ATP8B3: variants seen among roughly 807,000 people sequenced by gnomAD.
ATP8B3 encodes phospholipid-transporting ATPase IK.
ATP8B3 carries 141 observed loss-of-function variants against 140.9 expected under a neutral mutation model. The observed-to-expected ratio is 1.00, with a 90% CI of 0.87 to 1.15. The LOEUF (loss-of-function observed/expected upper bound fraction) is 1.15, where lower values mean the gene tolerates loss of function less well. Ranked by LOEUF, ATP8B3 falls within the 50% of genes most tolerant of loss-of-function variation. ATP8B3 has a pLI of 0.00. For missense variants in ATP8B3, 1,874 were observed against 1,740.6 expected, an observed-to-expected ratio of 1.08 and a Z score of -1.36; for synonymous variants, 765 against 714.6, an observed-to-expected ratio of 1.07 and a Z score of -1.13.
chr19:1,809,310 G>GCCCA (rs1568663385), intron 4 of ATP8B3, among the ~76,000 whole-genome samples: 6 of 151,550 alleles, frequency 4.0e-5, no homozygotes, highest in Non-Finnish European at 7.4e-5. Context: ...TGGTGAAACT[G>GCCCA]TCTCTACTAA....
chr19:1,800,099 T>A lies in ATP8B3; in HGVS notation c.1400A>T (p.Tyr467Phe). ...SVFIDWDVQMYYKPQDVPAKA... is the reference protein window; with the variant it reads ...SVFIDWDVQMFYKPQDVPAKA... ...GGCAGGCACGTCCTGCGGCTTGTAG[T>A]ACATCTGCACGTCCCAGTCGATGAA... is the stretch of plus-strand genomic sequence containing the variant. Residue 467 changes from tyrosine (Y) to phenylalanine (F), a missense_variant, in exon 14 of 29, where the codon TAC becomes TTC. Coordinates refer to ENST00000310127, the MANE Select transcript of ATP8B3 (RefSeq NM_138813.4). This position sits in a 1 kb window ranked among gnomAD's most constrained non-coding sequence, Gnocchi z 4.4. 6.4e-7 allele frequency: 1 copy of A among 1,570,772 alleles called. No homozygotes were observed. The highest frequency in any genetic ancestry group is 8.6e-7 in the Non-Finnish European group (1 of 1,158,218).
At chr19:1,803,924 C>T (rs1232130681) in intron 10 of ATP8B3, among the ~76,000 whole-genome samples, 1 of 144,756 alleles carries the variant, frequency 6.9e-6, no homozygotes, top group Non-Finnish European at 1.5e-5. Context: ...AAAAAAGGAA[C>T]CTTTAGCCAA....
chr19:1,810,484 G>T, intron 3 of ATP8B3, 138 bp downstream of exon 3: 1 of 763,648 alleles, frequency 1.3e-6, no homozygotes, highest in Non-Finnish European at 2.0e-6. Context: ...CCAGGCTCTC[G>T]AACCCCTGAC....
rs142823479 is a variant in ATP8B3 at position 1,785,818 on chromosome 19, CTTTGAG to C, written c.3154-116_3154-111del. ...GGGTGGCCACTCTCTGTGTGTGGCTCTTTGAGTTTAAGTGAGTTAAAATAAAGTAAG... is the reference window on the plus strand; with the variant it reads ...GGGTGGCCACTCTCTGTGTGTGGCTCTTTAAGTGAGTTAAAATAAAGTAAG... On this transcript the variant is annotated intron_variant, in intron 25 of 28. Transcript: ENST00000310127. 544 of 1,231,096 alleles carry C rather than the reference CTTTGAG, an allele frequency of 4.4e-4. No individual in the cohort carries two copies. In the African/African-American group the frequency reaches 4.9e-3, roughly 11 times the overall value. 76.3% of individuals were successfully genotyped at this position (1,231,096 alleles called of 1,614,324 possible).
chr19:1,782,898 G>T lies in ATP8B3; in HGVS notation c.*130C>A. Reference sequence around the variant, plus strand: ...TTGGGGAGGGCAGGTTGGTTTTCTGGATGAAGAGCGGATTGTCTATCCATA... The same window carrying T: ...TTGGGGAGGGCAGGTTGGTTTTCTGTATGAAGAGCGGATTGTCTATCCATA... On this transcript the variant is annotated 3_prime_UTR_variant, in exon 29 of 29. Coordinates refer to ENST00000310127, the MANE Select transcript of ATP8B3 (RefSeq NM_138813.4). 7.7e-7 allele frequency: 1 copy of T among 1,290,670 alleles called. No homozygotes were observed. The highest frequency in any genetic ancestry group is 1.0e-6 in the Non-Finnish European group (1 of 953,092). The allele number at this position is 1,290,670 out of a possible 1,614,324, so 80.0% of individuals were successfully genotyped here. A position where few individuals can be genotyped will look rare whatever the true frequency, so the allele number is the denominator to read the frequency against.
At chr19:1,791,905 G>A (rs370329280) in intron 19 of ATP8B3, 44 bp from the exon 20 acceptor site, 34 of 1,605,990 alleles carry the variant, frequency 2.1e-5, no homozygotes, top group Admixed American at 1.9e-4. Context: ...CTGAGCAGCC[G>A]TCCAGCTCCC....
chr19:1,785,078 T>C (rs1247841736), intron 27 of ATP8B3, 81 bp downstream of exon 27: 1 of 1,482,288 alleles, frequency 6.7e-7, no homozygotes, highest in Non-Finnish European at 9.0e-7. Context: ...GCCGGACGAC[T>C]GTCATGAGCA....
At chr19:1,783,385 A>G in intron 28 of ATP8B3, 115 bp from the exon 29 acceptor site, 1 of 1,344,252 alleles carries the variant, frequency 7.4e-7, no homozygotes, top group Non-Finnish European at 1.0e-6. Flanking sequence ...TTGATTGGCT[A>G]CGTTCTTCCC....
Position 1,797,044 on chromosome 19 carries a change from G to T in ATP8B3, c.1553-39C>A, listed in dbSNP as rs766538019. On this transcript the variant is annotated intron_variant, in intron 14 of 28. Coordinates refer to ENST00000310127, the MANE Select transcript of ATP8B3 (RefSeq NM_138813.4). ...CAGCTTCCTGCTTCAGCTCCCACAG[G>T]CCCCCCATTCGGGATCCCATAGCCC... 2.0e-5 allele frequency: 33 copies of T among 1,612,484 alleles called. No homozygotes were observed. The Admixed American group carries it at 4.7e-4, about 23-fold the overall frequency.
In ATP8B3 at chr19:1,807,775, C is replaced by T. The variant is rs561546747; in HGVS notation, c.516+447G>A. On this transcript the variant is annotated intron_variant, in intron 5 of 28. Transcript: ENST00000310127. The surrounding 1 kb of genome is among the most constrained non-coding windows in gnomAD (Gnocchi z 5.9). The stretch of plus-strand genomic sequence containing the variant: ...GAGTGTTTGCTCTGAAAACAGCGCC[C>T]CTGGCCGGATGCCGGCCCCACGCTG... Among the ~76,000 whole-genome samples the T allele has an allele frequency of 3.3e-5, 5 of 152,276 alleles. No individual in the cohort carries two copies. Among genetic ancestry groups the T allele is most frequent in the Non-Finnish European group, 5.9e-5 (4 of 68,050 alleles).
intron 24 of ATP8B3, among the ~76,000 whole-genome samples, chr19:1,787,756 A>C (rs1000621471): frequency 2.7e-5 from 3 of 109,458 alleles, no homozygotes; most frequent in Admixed American, 1.0e-4. Flanking sequence ...AAAAAAAAAA[A>C]AAAAACGCTG....
Position 1,789,500 on chromosome 19 carries a change from C to T in ATP8B3, c.2706G>A (p.Leu902=). The T allele has an allele frequency of 6.3e-7, 1 of 1,598,122 alleles. No homozygotes were observed. Among genetic ancestry groups the T allele is most frequent in the Non-Finnish European group, 8.5e-7 (1 of 1,179,160 alleles). Residue 902 remains leucine, a synonymous_variant, in exon 23 of 29, where the codon CTG becomes CTA. Coordinates refer to ENST00000310127, the MANE Select transcript of ATP8B3 (RefSeq NM_138813.4). The stretch of plus-strand genomic sequence containing the variant: ...AGATGACCGCCTGGCACTTGGACGC[C>T]AGGTCCACGAAGGCGCGCTCCTGCA... ...EVLQERAFVD[L]ASKCQAVICC... is the part of the protein sequence containing the mutation.
Position 1,792,104 on chromosome 19 carries a change from C to A in ATP8B3, c.2087G>T (p.Cys696Phe). The change falls in exon 19 of 29, where the codon TGC becomes TTC. Residue 696 changes from cysteine to phenylalanine, a missense_variant. Transcript: ENST00000310127. ...AFAQETLRTLCLAYREVAEDI... is the reference protein window; with the variant it reads ...AFAQETLRTLFLAYREVAEDI... The stretch of plus-strand genomic sequence containing the variant: ...CTCAGCCACCTCCCTGTAGGCCAGG[C>A]ACAGTGTCCGCAGGGTCTCCTGGGC... 1 of 1,576,654 alleles carries A rather than the reference C, an allele frequency of 6.3e-7. No individual in the cohort carries two copies. Among genetic ancestry groups the A allele is most frequent in the South Asian group, 1.2e-5 (1 of 86,702 alleles).
Position 1,806,839 on chromosome 19 carries a change from C to A in ATP8B3, c.616-150G>T. 1.1e-6 allele frequency: 1 copy of A among 926,926 alleles called. No homozygotes were observed. The highest frequency in any genetic ancestry group is 1.6e-5 in the South Asian group (1 of 63,362). 57.4% of individuals were successfully genotyped at this position (926,926 alleles called of 1,614,324 possible). A position where few individuals can be genotyped will look rare whatever the true frequency, so the allele number is the denominator to read the frequency against. On this transcript the variant is annotated intron_variant, in intron 6 of 28. Coordinates refer to ENST00000310127, the MANE Select transcript of ATP8B3 (RefSeq NM_138813.4). This position sits in a 1 kb window ranked among gnomAD's most constrained non-coding sequence, Gnocchi z 5.6. The stretch of plus-strand genomic sequence containing the variant: ...CCACGTTGCGTCTGCTCAGGGATCC[C>A]GGACGTGGGGGCCACTGGACCCACT...
Position 1,809,755 on chromosome 19 carries a change from G to A in ATP8B3, c.311-21C>T, listed in dbSNP as rs1339941900. 5.7e-6 allele frequency: 9 copies of A among 1,588,734 alleles called. No individual in the cohort carries two copies. In the East Asian group the frequency reaches 6.8e-5, roughly 12 times the overall value. ...GAATGCTGCAGCGAGAGAGCCGGGC[G>A]TCGCTGGAGCTCGAGGCCCAGGACA... On this transcript the variant is annotated intron_variant, in intron 3 of 28. Coordinates refer to ENST00000310127, the MANE Select transcript of ATP8B3 (RefSeq NM_138813.4).
intron 14 of ATP8B3, among the ~76,000 whole-genome samples, chr19:1,798,225 C>A (rs1204292360): frequency 6.6e-6 from 1 of 151,950 alleles, no homozygotes; most frequent in Admixed American, 6.6e-5. Context: ...CCCGCCTCAA[C>A]CTCGGGCCCA....
rs772746629 is a variant in ATP8B3, at chr19:1,785,595, G to C, written c.3267C>G (p.Thr1089=). ...FVQAIAHGVT[T]SLVNFFMTLW... ...GTGTCATGAAGAAGTTGACCAGAGA[G>C]GTGGTCACACCATGGGCGATGGCTT... Residue 1089 remains threonine, a synonymous_variant, in exon 26 of 29, where the codon ACC becomes ACG. Transcript: ENST00000310127. 3 of 1,613,166 alleles carry C rather than the reference G, an allele frequency of 1.9e-6. No individual in the cohort carries two copies. The Admixed American group carries it at 5.0e-5, about 27-fold the overall frequency.
intron 16 of ATP8B3, 35 bp from the exon 17 acceptor site, chr19:1,796,300 G>A: frequency 1.3e-6 from 2 of 1,540,948 alleles, no homozygotes; most frequent in South Asian, 2.3e-5. Context: ...GGGTCACGTG[G>A]TGGAGCCCGT....
rs778976652 is a variant in ATP8B3, at chr19:1,800,162, AG to A, written c.1344-8del. The A allele has an allele frequency of 6.4e-7, 1 of 1,560,460 alleles. No individual in the cohort carries two copies. The highest frequency in any genetic ancestry group is 1.4e-5 in the African/African-American group (1 of 73,840). Reference sequence around the variant, plus strand: ...CAGGTAGATGAACTCGGACCTGCAGAGGCACTCAGGGTCACGGTCAGCCCCG... The same window carrying A: ...CAGGTAGATGAACTCGGACCTGCAGAGCACTCAGGGTCACGGTCAGCCCCG... On this transcript the variant is annotated splice_region_variant and splice_polypyrimidine_tract_variant and intron_variant, in intron 13 of 28. Transcript: ENST00000310127. This position sits in a 1 kb window ranked among gnomAD's most constrained non-coding sequence, Gnocchi z 4.4.
Sources: gnomAD v4.1 joint callset for allele counts (sites outside exome capture counted in the v4.1 genomes callset) on GRCh38, gnomAD v4.1.1 for gene constraint, Gnocchi (gnomAD v3.1) non-coding constraint, MANE v1.5 for transcripts, NCBI Gene and HGNC (gene_info 2026-07-23, HGNC 2026-07-21) for gene names.